Variants in TIAM2 observed in about 807,000 individuals in gnomAD.
TIAM2 encodes TIAM Rac1 associated GEF 2.
In TIAM2, 80 loss-of-function variants were observed where a neutral mutation model predicts 152.9. The ratio of observed to expected loss-of-function variants is 0.52; its 90% confidence interval spans 0.44 to 0.63. The LOEUF is 0.63. Among genes scored for constraint, TIAM2 ranks in the 30% least tolerant of loss-of-function variants. The pLI is 0.00. For missense variants in TIAM2, 1,965 were observed against 2,120.1 expected (o/e 0.93, Z 1.44); for synonymous variants, 804 against 838.0 (o/e 0.96, Z 0.70).
At chr6:155,146,683 C>T (rs1779825748) in intron 6 of TIAM2, among the ~76,000 whole-genome samples, 1 of 151,928 alleles carries the variant, frequency 6.6e-6, no homozygotes, top group South Asian at 2.1e-4. Context: ...GCAACCTCTG[C>T]CTCCCCGGTT....
At chr6:155,098,590 T>C (rs1238995443) in intron 2 of TIAM2, among the ~76,000 whole-genome samples, 5 of 152,238 alleles carry the variant, frequency 3.3e-5, no homozygotes, top group African/African-American at 9.6e-5. Context: ...GTCTAGATTT[T>C]TCTAAATATA....
rs1562345247 is a variant in TIAM2 at position 155,182,323 on chromosome 6, G to A, written c.2800+5G>A. 8 of 1,612,418 alleles carry A rather than the reference G, an allele frequency of 5.0e-6. No individual in the cohort carries two copies. The highest frequency in any genetic ancestry group is 1.3e-5 in the African/African-American group (1 of 74,912). ...ATGGCCTGGCGTATGGGGAAGGTCC[G>A]TGTGGCACACCGTGCCCCTGTTGCC... On this transcript the variant is annotated splice_donor_5th_base_variant and intron_variant, in intron 13 of 26. Transcript: ENST00000682666.
chr6:155,028,532 G>A (rs1038772044), intron 1 of TIAM2, among the ~76,000 whole-genome samples: 1 of 133,930 alleles, frequency 7.5e-6, no homozygotes, highest in Non-Finnish European at 1.5e-5. Flanking sequence ...TATATATACT[G>A]TGTTACATAT....
intron 1 of TIAM2, among the ~76,000 whole-genome samples, chr6:155,013,251 A>G (rs1778517966): frequency 6.6e-6 from 1 of 152,108 alleles, no homozygotes; most frequent in South Asian, 2.1e-4. Context: ...TGTGCCATAG[A>G]CGATCCAGAA....
At chr6:155,007,765 T>C (rs1478332988) in intron 1 of TIAM2, among the ~76,000 whole-genome samples, 1 of 152,214 alleles carries the variant, frequency 6.6e-6, no homozygotes, top group Non-Finnish European at 1.5e-5. Flanking sequence ...AATCTGGGGA[T>C]GTCACTAAGT....
chr6:155,063,313 G>A (rs985761903), intron 1 of TIAM2, among the ~76,000 whole-genome samples: 1 of 152,070 alleles, frequency 6.6e-6, no homozygotes, highest in Non-Finnish European at 1.5e-5. Flanking sequence ...ATCATATTGT[G>A]GTAGACCTCT....
chr6:155,252,744 C>T (rs1360773220), intron 23 of TIAM2, among the ~76,000 whole-genome samples: 1 of 152,200 alleles, frequency 6.6e-6, no homozygotes, highest in African/African-American at 2.4e-5. Context: ...GCTTCTGAAC[C>T]ACAACTCTGC....
At chr6:155,034,671 T>A (rs904200943) in intron 1 of TIAM2, among the ~76,000 whole-genome samples, 1 of 152,160 alleles carries the variant, frequency 6.6e-6, no homozygotes, top group Admixed American at 6.5e-5. Flanking sequence ...CATCTCTCTG[T>A]GGAGCTCCTG....
chr6:155,161,225 AC>A (rs1169993547), intron 7 of TIAM2, among the ~76,000 whole-genome samples: 7 of 44,412 alleles, frequency 1.6e-4, no homozygotes, highest in African/African-American at 3.4e-4. Flanking sequence ...CACTCTGATA[AC>A]CCCAGCTGGG....
At position 155,047,808 on chromosome 6, in the gene TIAM2, T is replaced by C. The variant is rs1424720946; in HGVS notation, c.-208-42481T>C. Among the ~76,000 whole-genome samples the C allele has an allele frequency of 1.3e-5, 2 of 151,360 alleles. 1 individual carries two copies. Among genetic ancestry groups the C allele is most frequent in the Middle Eastern group, 6.4e-3 (2 of 314 alleles). On this transcript the variant is annotated intron_variant, in intron 1 of 26. Transcript: ENST00000682666. ...CTCCCACTACTTTTTCTCTCTTCAC[T>C]TCGGGGAGGGAAACAAAAGGAACAA...
intron 15 of TIAM2, among the ~76,000 whole-genome samples, chr6:155,229,290 G>A (rs919701520): frequency 6.6e-6 from 1 of 152,228 alleles, no homozygotes; most frequent in African/African-American, 2.4e-5. Flanking sequence ...GACTGTTCTT[G>A]CCCTTCCTTT....
intron 9 of TIAM2, among the ~76,000 whole-genome samples, chr6:155,171,418 C>T (rs542517283): frequency 3.9e-5 from 6 of 152,324 alleles, no homozygotes; most frequent in South Asian, 2.1e-4. Flanking sequence ...GCGGCAACCC[C>T]AGAAGCTTCA....
chr6:155,187,573 C>CAT (rs1189509294), intron 14 of TIAM2, among the ~76,000 whole-genome samples: 2 of 49,614 alleles, frequency 4.0e-5, no homozygotes, highest in Non-Finnish European at 7.4e-5. Flanking sequence ...ACCCCGCCCC[C>CAT]TTTTTTTTTT....
In TIAM2 at chr6:155,257,605, A is replaced by AG; in HGVS notation, c.*484_*485insG. ...AGATAGATTGTAATAGATGCTGTTT[A>AG]TACTAAACATGTCATAACTATCTAT... On this transcript the variant is annotated 3_prime_UTR_variant, in exon 27 of 27. Transcript: ENST00000682666. 1.9e-6 allele frequency: 1 copy of AG among 521,940 alleles called. No individual in the cohort carries two copies. 32.3% of individuals were successfully genotyped at this position (521,940 alleles called of 1,614,324 possible). A position where few individuals can be genotyped will look rare whatever the true frequency, so the allele number is the denominator to read the frequency against.
intron 1 of TIAM2, among the ~76,000 whole-genome samples, chr6:155,012,607 G>A (rs1392551621): frequency 6.6e-6 from 1 of 152,134 alleles, no homozygotes; most frequent in Non-Finnish European, 1.5e-5. Context: ...CTGGAGTGCA[G>A]TGGCGTGATC....
At chr6:155,037,968 TTC>T (rs1776953291) in intron 1 of TIAM2, among the ~76,000 whole-genome samples, 1 of 152,128 alleles carries the variant, frequency 6.6e-6, no homozygotes, top group South Asian at 2.1e-4. Flanking sequence ...ATTCTTTTGT[TTC>T]TCTGTTTTCA....
At chr6:155,003,656 C>G (rs534434516) in intron 1 of TIAM2, among the ~76,000 whole-genome samples, 111 of 152,284 alleles carry the variant, frequency 7.3e-4, no homozygotes, top group Non-Finnish European at 1.1e-3. Flanking sequence ...CACATCTCCC[C>G]TCTCGGCTCC....
chr6:155,121,190 A>G (rs574609694), intron 2 of TIAM2, among the ~76,000 whole-genome samples: 63 of 152,268 alleles, frequency 4.1e-4, no homozygotes, highest in Middle Eastern at 6.8e-3. Context: ...ATACAAAATC[A>G]GACTTAAAGC....
chr6:155,099,247 TGTGTGTGTGTGTGTAATAA>T (rs908055756), intron 2 of TIAM2, among the ~76,000 whole-genome samples: 13 of 151,746 alleles, frequency 8.6e-5, no homozygotes, highest in African/African-American at 3.2e-4. Context: ...TGTGTGTGTG[TGTGTGTGTGTGTGTAATAA>T]AATATCTCAT....
Sources: allele counts gnomAD v4.1 joint callset (sites outside exome capture counted in the v4.1 genomes callset), GRCh38; gene constraint gnomAD v4.1.1; transcripts MANE v1.5; gene names NCBI Gene and HGNC (gene_info 2026-07-23, HGNC 2026-07-21).